The following GTF3C1 variants were observed in gnomAD, a reference collection of about 807,000 sequenced individuals.
GTF3C1 encodes the protein general transcription factor 3C polypeptide 1.
A neutral mutation model predicts 226.7 loss-of-function variants in GTF3C1; 57 were observed. The ratio of observed to expected loss-of-function variants is 0.25; its 90% confidence interval spans 0.20 to 0.31. GTF3C1 has a LOEUF of 0.31. Among genes scored for constraint, GTF3C1 ranks in the 10% least tolerant of loss-of-function variants. The pLI is 1.00. For synonymous variants in GTF3C1, 1,090 were observed against 1,084.8 expected, an observed-to-expected ratio of 1.00 and a Z score of -0.09; for missense variants, 2,217 against 2,776.1, an observed-to-expected ratio of 0.80 and a Z score of 4.53.
intron 27 of GTF3C1, chr16:27,480,859 G>GA: frequency 1.9e-6 from 1 of 523,682 alleles, no homozygotes; most frequent in Admixed American, 3.2e-5. Context: ...AAGGAAGCCT[G>GA]AAGGACCAAT....
chr16:27,461,283 T>G lies in GTF3C1; in HGVS notation c.*67A>C. On this transcript the variant is annotated 3_prime_UTR_variant, in exon 37 of 37. Transcript: ENST00000356183. This position sits in a 1 kb window ranked among gnomAD's most constrained non-coding sequence, Gnocchi z 5.3. ...CCCAAGGCCAGGGCACAGTGGGGTC[T>G]GCCGAGCACCAGGCAGGAGTGGTGT... The G allele has an allele frequency of 9.5e-7, 1 of 1,049,500 alleles. No individual in the cohort carries two copies. Among genetic ancestry groups the G allele is most frequent in the Non-Finnish European group, 1.4e-6 (1 of 702,468 alleles). 65.0% of individuals were successfully genotyped at this position (1,049,500 alleles called of 1,614,324 possible). A position where few individuals can be genotyped will look rare whatever the true frequency, so the allele number is the denominator to read the frequency against.
chr16:27,492,445 G>A lies in GTF3C1; in HGVS notation c.3044C>T (p.Ala1015Val), dbSNP rs374407579. The stretch of plus-strand genomic sequence containing the variant: ...CCTCTCGAAGGGCCGGCTGCTGCGG[G>A]CCAGGTTGTAATGTGGGTCGCAGAT... ...TTICDPHYNL[A>V]RSSRPFERRL... is the part of the protein sequence containing the mutation. The change falls in exon 19 of 37, where the codon GCC becomes GTC. Residue 1015 changes from alanine to valine, a missense_variant. Ala to Val is a moderately conservative substitution (Grantham distance 64, BLOSUM62 0). Coordinates refer to ENST00000356183, the MANE Select transcript of GTF3C1 (RefSeq NM_001520.4). This position sits in a 1 kb window ranked among gnomAD's most constrained non-coding sequence, Gnocchi z 5.0. 2 of 1,611,480 alleles carry A rather than the reference G, an allele frequency of 1.2e-6. No homozygotes were observed. The highest frequency in any genetic ancestry group is 1.3e-5 in the African/African-American group (1 of 74,870).
chr16:27,468,589 G>C (rs1333010433), intron 32 of GTF3C1, among the ~76,000 whole-genome samples: 2 of 152,026 alleles, frequency 1.3e-5, no homozygotes, highest in East Asian at 3.9e-4. Context: ...TCCAGCCTGA[G>C]CAACTGAGCA....
chr16:27,464,706 C>T lies in GTF3C1; in HGVS notation c.5486G>A (p.Arg1829Lys), dbSNP rs2087758196. 6.3e-7 allele frequency: 1 copy of T among 1,597,180 alleles called. No individual in the cohort carries two copies. The highest frequency in any genetic ancestry group is 1.3e-5 in the African/African-American group (1 of 74,528). Reference protein sequence around the residue: ...LKDREDADIQREDPQARPLEG... With the variant: ...LKDREDADIQKEDPQARPLEG... ...CAGGGGTCTGGCCTGGGGGTCTTCT[C>T]TCTGGATGTCGGCGTCTTCTCTGTC... is the stretch of plus-strand genomic sequence containing the variant. The change falls in exon 34 of 37, where the codon AGA becomes AAA. Residue 1829 changes from arginine (R) to lysine (K), a missense_variant. Around this residue, in one of 12 missense-constraint regions of GTF3C1, gnomAD observed 455 missense variants for 441.9 expected, o/e 1.03. Transcript: ENST00000356183.
Position 27,507,216 on chromosome 16 carries a change from C to A in GTF3C1, c.1243-60G>T. On this transcript the variant is annotated intron_variant, in intron 8 of 36. Transcript: ENST00000356183. The surrounding 1 kb of genome is among the most constrained non-coding windows in gnomAD (Gnocchi z 4.9). ...AGAGGGCGTCATACCCACAGGGGTT[C>A]AGGTGGTCTGTGGCATCTATTTCCT... is the stretch of plus-strand genomic sequence containing the variant. 3 of 1,270,436 alleles carry A rather than the reference C, an allele frequency of 2.4e-6. No individual in the cohort carries two copies. The highest frequency in any genetic ancestry group is 1.4e-5 in the South Asian group (1 of 73,340). 78.7% of individuals were successfully genotyped at this position (1,270,436 alleles called of 1,614,324 possible).
chr16:27,484,625 C>CG (rs374953306), intron 24 of GTF3C1, among the ~76,000 whole-genome samples: 70 of 151,884 alleles, frequency 4.6e-4, no homozygotes, highest in Admixed American at 2.4e-3. Context: ...CCCAACGGGG[C>CG]GGGGGGGAAC....
At position 27,497,584 on chromosome 16, in the gene GTF3C1, A is replaced by T. The variant is rs142445781; in HGVS notation, c.2350+53T>A. 9.4e-5 allele frequency: 138 copies of T among 1,467,346 alleles called. No homozygotes were observed. The African/African-American group carries it at 1.8e-3, about 19-fold the overall frequency. 90.9% of individuals were successfully genotyped at this position (1,467,346 alleles called of 1,614,324 possible). ...AGGACCAAGTGCCTCAAACATTGTCATACAAACAACAAATCAAATGTAACT... is the reference window on the plus strand; with the variant it reads ...AGGACCAAGTGCCTCAAACATTGTCTTACAAACAACAAATCAAATGTAACT... On this transcript the variant is annotated intron_variant, in intron 14 of 36. Coordinates refer to ENST00000356183, the MANE Select transcript of GTF3C1 (RefSeq NM_001520.4).
intron 4 of GTF3C1, among the ~76,000 whole-genome samples, chr16:27,535,355 C>A (rs2088984713): frequency 6.6e-6 from 1 of 152,074 alleles, no homozygotes. Flanking sequence ...GGCGTATCAC[C>A]TGAGGTCAGG....
chr16:27,466,929 T>G (rs574468033), intron 32 of GTF3C1, among the ~76,000 whole-genome samples: 6 of 152,134 alleles, frequency 3.9e-5, no homozygotes, highest in Non-Finnish European at 7.3e-5. Context: ...AGAAGAAAAC[T>G]TGGAAGCTAG....
chr16:27,487,924 G>GAC (rs2088168245), intron 23 of GTF3C1, among the ~76,000 whole-genome samples: 1 of 152,116 alleles, frequency 6.6e-6, no homozygotes, highest in Non-Finnish European at 1.5e-5. Flanking sequence ...GGCTGTTGCT[G>GAC]ACATTTTTTT....
chr16:27,530,351 A>G (rs929347384), intron 5 of GTF3C1, among the ~76,000 whole-genome samples: 4 of 152,186 alleles, frequency 2.6e-5, no homozygotes, highest in Non-Finnish European at 4.4e-5. Context: ...AAACTCATCC[A>G]TCAGATCCCA....
intron 28 of GTF3C1, among the ~76,000 whole-genome samples, chr16:27,476,940 G>C (rs958982347): frequency 1.3e-5 from 2 of 152,238 alleles, no homozygotes; most frequent in African/African-American, 4.8e-5. Flanking sequence ...TTTTGGAACT[G>C]AGTTTTGCTT....
rs374226840 is a variant in GTF3C1 at position 27,464,653 on chromosome 16, G to C, written c.5539C>G (p.Pro1847Ala). 7.2e-6 allele frequency: 11 copies of C among 1,526,218 alleles called. No homozygotes were observed. The highest frequency in any genetic ancestry group is 2.2e-5 in the Admixed American group (1 of 44,596). 94.5% of individuals were successfully genotyped at this position (1,526,218 alleles called of 1,614,324 possible). Residue 1847 changes from proline to alanine, a missense_variant, in exon 34 of 37, where the codon CCC becomes GCC. By Grantham distance (27) the Pro-to-Ala change is conservative. This residue lies in a region of GTF3C1 where 455 missense variants were observed against 441.9 expected (regional missense o/e 1.03). Transcript: ENST00000356183. ...TGAGAAGGAGGTGCCTGCCCCTCGG[G>C]GGGGCTGTCCTCACTGGAAGACCCC... is the stretch of plus-strand genomic sequence containing the variant. The part of the protein sequence containing the change: ...LEGSSSEDSP[P>A]EGQAPPSHSP...
At chr16:27,506,157 C>A (rs1172923781) in intron 9 of GTF3C1, 41 bp from the exon 10 acceptor site, 3 of 1,155,698 alleles carry the variant, frequency 2.6e-6, no homozygotes, top group African/African-American at 3.0e-5. Flanking sequence ...AAGGGGGAGG[C>A]CAGGAGGGCA....
At position 27,508,549 on chromosome 16, in the gene GTF3C1, T is replaced by C; in HGVS notation, c.1233A>G (p.Lys411=). ...RMLCRLLQRF[K]VVKGFMEDEG... is the part of the protein sequence containing the mutation. Reference sequence around the variant, plus strand: ...AGGCTCATGATGTTACCTTGACAACTTTGAATCTTTGAAGAAGTCGGCACA... The same window carrying C: ...AGGCTCATGATGTTACCTTGACAACCTTGAATCTTTGAAGAAGTCGGCACA... Residue 411 remains lysine, a synonymous_variant, in exon 8 of 37, where the codon AAA becomes AAG. Transcript: ENST00000356183. 1 of 1,612,412 alleles carries C rather than the reference T, an allele frequency of 6.2e-7. No homozygotes were observed. Among genetic ancestry groups the C allele is most frequent in the Non-Finnish European group, 8.5e-7 (1 of 1,178,430 alleles).
Position 27,464,350 on chromosome 16 carries a change from G to A in GTF3C1, c.5842C>T (p.Gln1948Ter), listed in dbSNP as rs1231499593. 6.5e-7 allele frequency: 1 copy of A among 1,544,368 alleles called. No homozygotes were observed. The highest frequency in any genetic ancestry group is 2.1e-5 in the Admixed American group (1 of 47,710). The change falls in exon 34 of 37, where the codon CAG (glutamine) becomes TAG (stop). Residue 1948 changes from glutamine to a stop codon, truncating the protein, a stop_gained. Coordinates refer to ENST00000356183, the MANE Select transcript of GTF3C1 (RefSeq NM_001520.4). LOFTEE classifies it high-confidence loss of function. Reference protein sequence around the residue: ...PGQEQLSGQAQPPEGSEDPRG... With the variant: ...PGQEQLSGQA The stretch of plus-strand genomic sequence containing the variant: ...GGGTCTTCAGAGCCCTCTGGAGGCT[G>A]CGCCTGGCCGCTCAGCTGCTCTTGG...
intron 15 of GTF3C1, 137 bp downstream of exon 15, chr16:27,495,074 G>A: frequency 2.3e-6 from 2 of 859,818 alleles, no homozygotes; most frequent in Middle Eastern, 3.7e-4. Context: ...TGCAGGTTCA[G>A]GAAGTGTGGA....
Position 27,462,197 on chromosome 16 carries a change from TG to T in GTF3C1, c.6117+96del. Reference sequence around the variant, plus strand: ...GAGGAGGTGCAGGCAAGCAGTATGGTGGTACTGCATGTTGCCTGGGGCCTGA... The same window carrying T: ...GAGGAGGTGCAGGCAAGCAGTATGGTGTACTGCATGTTGCCTGGGGCCTGA... On this transcript the variant is annotated intron_variant, in intron 36 of 36. Coordinates refer to ENST00000356183, the MANE Select transcript of GTF3C1 (RefSeq NM_001520.4). This position sits in a 1 kb window ranked among gnomAD's most constrained non-coding sequence, Gnocchi z 4.5. 1.3e-6 allele frequency: 1 copy of T among 794,070 alleles called. No homozygotes were observed. Among genetic ancestry groups the T allele is most frequent in the South Asian group, 1.7e-5 (1 of 60,556 alleles). The allele number at this position is 794,070 out of a possible 1,614,324, so 49.2% of individuals were successfully genotyped here.
At chr16:27,484,431 G>C in intron 24 of GTF3C1, 78 bp from the exon 25 acceptor site, 3 of 1,016,150 alleles carry the variant, frequency 3.0e-6, no homozygotes, top group Non-Finnish European at 4.6e-6. Context: ...TAAAAAAGTG[G>C]ACAAAATGTG....
Sources: gnomAD v4.1 joint callset for allele counts (sites outside exome capture counted in the v4.1 genomes callset) on GRCh38, gnomAD v4.1.1 for gene constraint, gnomAD v4.1.1 regional missense constraint, Gnocchi (gnomAD v3.1) non-coding constraint, MANE v1.5 for transcripts, NCBI Gene and HGNC (gene_info 2026-07-23, HGNC 2026-07-21) for gene names.